The following BRINP3 variants were observed in gnomAD, a reference collection of about 807,000 sequenced individuals.
BRINP3 encodes BMP/retinoic acid inducible neural specific 3, also known as BMP/retinoic acid-inducible neural-specific protein 3.
A neutral mutation model predicts 71.0 loss-of-function variants in BRINP3; 19 were observed. The ratio of observed to expected loss-of-function variants is 0.27; its 90% CI spans 0.19 to 0.39. The LOEUF is 0.39. BRINP3 is among the 10% of genes least tolerant of loss of function. BRINP3 has a pLI of 1.00. For missense variants in BRINP3, 959 were observed against 940.8 expected (o/e 1.02, Z -0.25); for synonymous variants, 380 against 337.7 (o/e 1.13, Z -1.37).
At chr1:190,333,038 A>G (rs1667066942) in intron 2 of BRINP3, among the ~76,000 whole-genome samples, 1 of 151,936 alleles carries the variant, frequency 6.6e-6, no homozygotes, top group Non-Finnish European at 1.5e-5. Context: ...ACCTCCAGCA[A>G]ATTTTAAATA....
chr1:190,400,776 C>T (rs1447244618), intron 2 of BRINP3, among the ~76,000 whole-genome samples: 1 of 152,182 alleles, frequency 6.6e-6, no homozygotes, highest in Non-Finnish European at 1.5e-5. Context: ...TAAGTAAATA[C>T]TGACTAGTAT....
At chr1:190,322,986 AC>A (rs1666345593) in intron 2 of BRINP3, among the ~76,000 whole-genome samples, 1 of 152,014 alleles carries the variant, frequency 6.6e-6, no homozygotes, top group Admixed American at 6.6e-5. Flanking sequence ...GGATTATGTA[AC>A]TTGACCATAT....
At chr1:190,405,242 C>T (rs1307113) in intron 2 of BRINP3, among the ~76,000 whole-genome samples, 2 of 151,646 alleles carry the variant, frequency 1.3e-5, no homozygotes, top group South Asian at 2.1e-4. Context: ...ACGAGGTCAG[C>T]AGATCGAGAC....
chr1:190,407,168 C>T (rs1268218600), intron 2 of BRINP3, among the ~76,000 whole-genome samples: 2 of 152,068 alleles, frequency 1.3e-5, no homozygotes, highest in African/African-American at 4.8e-5. Context: ...AAAACACAGG[C>T]TTAGTAGAAA....
intron 7 of BRINP3, among the ~76,000 whole-genome samples, chr1:190,133,938 C>G (rs892655249): frequency 2.6e-5 from 4 of 152,004 alleles, no homozygotes; most frequent in South Asian, 2.1e-4. Context: ...AAACCAGACA[C>G]ATAAAACAAA....
intron 3 of BRINP3, among the ~76,000 whole-genome samples, chr1:190,277,041 C>T (rs1314682285): frequency 8.3e-6 from 1 of 120,816 alleles, no homozygotes; most frequent in Non-Finnish European, 1.7e-5. Context: ...TCTAAATTAA[C>T]AAATCTTATT....
At chr1:190,349,551 T>A (rs1429835584) in intron 2 of BRINP3, among the ~76,000 whole-genome samples, 1 of 152,082 alleles carries the variant, frequency 6.6e-6, no homozygotes, top group Non-Finnish European at 1.5e-5. Context: ...CTATTGGAGA[T>A]TGTAGGCATA....
chr1:190,359,070 T>A (rs1221928180), intron 2 of BRINP3, among the ~76,000 whole-genome samples: 1 of 151,938 alleles, frequency 6.6e-6, no homozygotes, highest in Non-Finnish European at 1.5e-5. Flanking sequence ...AAATGACAAG[T>A]TAATGGGTGC....
chr1:190,446,835 A>G (rs930505985), intron 2 of BRINP3, among the ~76,000 whole-genome samples: 6 of 152,050 alleles, frequency 3.9e-5, no homozygotes, highest in Non-Finnish European at 1.5e-5. Context: ...TCAAGAGGAA[A>G]TATTTTAATT....
intron 2 of BRINP3, among the ~76,000 whole-genome samples, chr1:190,307,507 T>C (rs911901229): frequency 6.6e-6 from 1 of 151,940 alleles, no homozygotes; most frequent in Non-Finnish European, 1.5e-5. Context: ...TAGTATTTCA[T>C]GCTCTTATTT....
chr1:190,444,787 GC>G (rs1017236196), intron 2 of BRINP3, among the ~76,000 whole-genome samples: 9 of 151,924 alleles, frequency 5.9e-5, no homozygotes, highest in Non-Finnish European at 1.0e-4. Context: ...GTCTGCCTTG[GC>G]CCCCCCAAGG....
intron 7 of BRINP3, among the ~76,000 whole-genome samples, chr1:190,114,580 C>G (rs1358763242): frequency 6.7e-6 from 1 of 149,768 alleles, no homozygotes; most frequent in Non-Finnish European, 1.5e-5. Context: ...GTTTGCATTT[C>G]TACTGGTCTC....
intron 2 of BRINP3, among the ~76,000 whole-genome samples, chr1:190,425,356 A>G (rs1673634283): frequency 6.6e-6 from 1 of 151,818 alleles, no homozygotes. Context: ...AACTCAGTAG[A>G]CTGATGCTGG....
At chr1:190,104,804 C>A (rs1652005006) in intron 7 of BRINP3, among the ~76,000 whole-genome samples, 1 of 152,036 alleles carries the variant, frequency 6.6e-6, no homozygotes, top group Non-Finnish European at 1.5e-5. Flanking sequence ...ATGGTTAAAT[C>A]TGCTCTGAGC....
intron 7 of BRINP3, among the ~76,000 whole-genome samples, chr1:190,131,209 G>A (rs1654515665): frequency 6.7e-6 from 1 of 149,682 alleles, no homozygotes. Flanking sequence ...GGACAGGGAA[G>A]CTAACTCCAA....
In BRINP3 at chr1:190,099,091, A is replaced by G; in HGVS notation, c.1228T>C (p.Cys410Arg). Residue 410 changes from cysteine (C) to arginine (R), a missense_variant, in exon 8 of 8, where the codon TGC becomes CGC. By Grantham distance (180) the Cys-to-Arg change is radical (BLOSUM62 -3). Coordinates refer to ENST00000367462, the MANE Select transcript of BRINP3 (RefSeq NM_199051.3). ...CTGCCTAGGAGGCCGTTCTCATTGC[A>G]GTAGAGAAAAGACTGGATGCGAGTA... ...WLTRIQSFLY[C>R]NENGLLGSFS... is the part of the protein sequence containing the mutation. 1 of 1,614,096 alleles carries G rather than the reference A, an allele frequency of 6.2e-7. No homozygotes were observed. The highest frequency in any genetic ancestry group is 1.1e-5 in the South Asian group (1 of 91,080).
At chr1:190,213,601 G>A (rs1039989963) in intron 6 of BRINP3, among the ~76,000 whole-genome samples, 4 of 152,066 alleles carry the variant, frequency 2.6e-5, no homozygotes, top group Admixed American at 6.6e-5. Flanking sequence ...TAGCAAGGAT[G>A]GTACGTGGTT....
At chr1:190,314,874 C>T (rs1420638427) in intron 2 of BRINP3, among the ~76,000 whole-genome samples, 2 of 152,098 alleles carry the variant, frequency 1.3e-5, no homozygotes, top group East Asian at 3.9e-4. Context: ...GTGCAAGACC[C>T]AGAGCTGAGA....
At chr1:190,357,112 T>G (rs1222209653) in intron 2 of BRINP3, among the ~76,000 whole-genome samples, 1 of 151,990 alleles carries the variant, frequency 6.6e-6, no homozygotes, top group Non-Finnish European at 1.5e-5. Flanking sequence ...TAATTTACTT[T>G]CATGACCAAA....
Sources: gnomAD v4.1 joint callset for allele counts (sites outside exome capture counted in the v4.1 genomes callset) on GRCh38, gnomAD v4.1.1 for gene constraint, MANE v1.5 for transcripts, NCBI Gene and HGNC (gene_info 2026-07-23, HGNC 2026-07-21) for gene names.